Variants in EYS observed in about 807,000 individuals in gnomAD.
EYS encodes EGF-like photoreceptor maintenance factor.
In EYS, 250 loss-of-function variants were observed where a neutral mutation model predicts 282.1. That is an observed-to-expected ratio of 0.89 (90% CI 0.80 to 0.98). EYS has a LOEUF of 0.98. Ranked by LOEUF, EYS falls within the 50% of genes least tolerant of loss-of-function variation. The pLI, the probability that EYS is intolerant of heterozygous loss-of-function variation, is 0.00. For missense variants in EYS, 4,016 were observed against 3,709.0 expected (o/e 1.08, Z -2.15); for synonymous variants, 1,355 against 1,282.9 (o/e 1.06, Z -1.20).
intron 19 of EYS, among the ~76,000 whole-genome samples, chr6:64,858,425 T>G (rs1766133738): frequency 6.6e-6 from 1 of 152,080 alleles, no homozygotes; most frequent in Non-Finnish European, 1.5e-5. Flanking sequence ...GGCTTTTTTT[T>G]GGGTTTTCTA....
intron 22 of EYS, among the ~76,000 whole-genome samples, chr6:64,725,147 C>T (rs1418294659): frequency 6.6e-6 from 1 of 152,106 alleles, no homozygotes; most frequent in Non-Finnish European, 1.5e-5. Context: ...ATTTAAGATC[C>T]TCTCTAATAT....
chr6:65,054,604 T>C (rs552034874), intron 13 of EYS, among the ~76,000 whole-genome samples: 1 of 152,176 alleles, frequency 6.6e-6, no homozygotes, highest in South Asian at 2.1e-4. Context: ...TATAAGAATA[T>C]AAACTGAATT....
At chr6:64,458,249 G>A (rs1295274593) in intron 26 of EYS, among the ~76,000 whole-genome samples, 2 of 151,940 alleles carry the variant, frequency 1.3e-5, no homozygotes, top group African/African-American at 2.4e-5. Flanking sequence ...GAATTTGACT[G>A]TATACTTACT....
chr6:64,835,721 A>G (rs113178935), intron 19 of EYS, among the ~76,000 whole-genome samples: 3,470 of 151,726 alleles, frequency 0.023, 109 homozygotes, highest in African/African-American at 0.07. Context: ...CATAGAGTCA[A>G]TTATGAGAAT....
chr6:64,717,295 T>C lies in EYS; in HGVS notation c.3444-91050A>G, dbSNP rs936873586. ...TGCAAGCAATTGACGTATTATGGTC[T>C]CTGTTCAGTGAAACCTGTCTGCTAA... On this transcript the variant is annotated intron_variant, in intron 22 of 42. Transcript: ENST00000503581. 6.6e-4 allele frequency among the ~76,000 whole-genome samples: 100 copies of C among 152,202 alleles called. 1 individual carries two copies. Among genetic ancestry groups the C allele is most frequent in the African/African-American group, 2.3e-3 (97 of 41,448 alleles).
chr6:65,485,945 A>T (rs537983851), intron 5 of EYS, among the ~76,000 whole-genome samples: 4 of 152,242 alleles, frequency 2.6e-5, no homozygotes, highest in South Asian at 4.1e-4. Context: ...CAAAGGCAGG[A>T]CATCTGACAA....
rs535261878 is a variant in EYS at position 64,542,989 on chromosome 6, T to C, written c.5644+47234A>G. 1.2e-4 allele frequency among the ~76,000 whole-genome samples: 19 copies of C among 152,246 alleles called. No individual in the cohort carries two copies. The South Asian group carries it at 2.5e-3, about 20-fold the overall frequency. On this transcript the variant is annotated intron_variant, in intron 26 of 42. Transcript: ENST00000503581. Reference sequence around the variant, plus strand: ...ACAAGTGCCTCAATGTCCTAGGAAATTGATGTCTTAGTTCAAAAGGAAATG... The same window carrying C: ...ACAAGTGCCTCAATGTCCTAGGAAACTGATGTCTTAGTTCAAAAGGAAATG...
Position 64,213,832 on chromosome 6 carries a change from T to C in EYS, c.6424+16760A>G, listed in dbSNP as rs538705943. Among the ~76,000 whole-genome samples the C allele has an allele frequency of 3.0e-4, 45 of 152,292 alleles. No individual in the cohort carries two copies. In the East Asian group the frequency reaches 8.1e-3, roughly 27 times the overall value. The stretch of plus-strand genomic sequence containing the variant: ...GTTTAAAATGAAGGAAACATTGCTT[T>C]ACAATAGTGAACAATTCTATACACA... On this transcript the variant is annotated intron_variant, in intron 31 of 42. Transcript: ENST00000503581.
chr6:65,526,805 C>CAAAAAAAAAAAAAAAAA (rs1359760384), intron 2 of EYS, among the ~76,000 whole-genome samples: 1 of 151,666 alleles, frequency 6.6e-6, no homozygotes, highest in African/African-American at 2.4e-5. Context: ...GACTCTGTCT[C>CAAAAAAAAAAAAAAAAA]AAAAAACAAA....
intron 5 of EYS, among the ~76,000 whole-genome samples, chr6:65,451,423 A>C (rs1764393290): frequency 6.6e-6 from 1 of 152,102 alleles, no homozygotes; most frequent in African/African-American, 2.4e-5. Flanking sequence ...ACACTCTAGT[A>C]ACGACTCAGA....
intron 35 of EYS, among the ~76,000 whole-genome samples, chr6:63,879,431 C>G (rs532558261): frequency 8.5e-5 from 13 of 152,114 alleles, no homozygotes; most frequent in Non-Finnish European, 1.5e-4. Context: ...AACTTTGACT[C>G]AAATACCTTA....
At chr6:65,476,965 T>G (rs1188560287) in intron 5 of EYS, among the ~76,000 whole-genome samples, 1 of 152,200 alleles carries the variant, frequency 6.6e-6, no homozygotes, top group Admixed American at 6.5e-5. Context: ...AAATTTCGAA[T>G]TTTTATTCAT....
intron 10 of EYS, 67 bp downstream of exon 10, chr6:65,343,971 T>A (rs552206188): frequency 7.3e-7 from 1 of 1,363,086 alleles, no homozygotes; most frequent in Non-Finnish European, 1.0e-6. Context: ...CATTTCTAAC[T>A]TTCTAAAAAT....
chr6:64,334,094 A>T (rs2150392295), intron 29 of EYS, among the ~76,000 whole-genome samples: 1 of 152,332 alleles, frequency 6.6e-6, no homozygotes, highest in South Asian at 2.1e-4. Flanking sequence ...TATTTTGAAG[A>T]ATCCAAGAAC....
intron 26 of EYS, among the ~76,000 whole-genome samples, chr6:64,488,649 T>G (rs1484137059): frequency 6.6e-6 from 1 of 151,024 alleles, no homozygotes; most frequent in Non-Finnish European, 1.5e-5. Context: ...ATGTTTATAA[T>G]AAAAATAAAA....
At chr6:65,427,396 C>T (rs1319905083) in intron 5 of EYS, among the ~76,000 whole-genome samples, 1 of 145,990 alleles carries the variant, frequency 6.8e-6, no homozygotes, top group African/African-American at 2.4e-5. Context: ...TTTCAAAATA[C>T]AGATATGCAT....
chr6:64,838,033 G>C (rs2812786), intron 19 of EYS, among the ~76,000 whole-genome samples: 124,424 of 151,692 alleles, frequency 0.82, 51,045 homozygotes, highest in East Asian at 0.87. Context: ...ATTTTTGTGT[G>C]CTTTATATAT....
At chr6:64,012,430 T>C (rs1311704488) in intron 33 of EYS, among the ~76,000 whole-genome samples, 1 of 152,168 alleles carries the variant, frequency 6.6e-6, no homozygotes, top group African/African-American at 2.4e-5. Context: ...TATCAGCAGA[T>C]GGCAGTAAAG....
In EYS at chr6:63,937,908, A is replaced by T. The variant is rs551188695; in HGVS notation, c.7055+46475T>A. 3.9e-5 allele frequency among the ~76,000 whole-genome samples: 6 copies of T among 152,336 alleles called. No homozygotes were observed. The South Asian group carries it at 1.0e-3, about 26-fold the overall frequency. ...TTTTGTTACAGCAGTACAGACTAAG[A>T]CACCACTTTCTGAATTTAAACAAAT... On this transcript the variant is annotated intron_variant, in intron 35 of 42. Transcript: ENST00000503581.
Sources: gnomAD v4.1 joint callset for allele counts (sites outside exome capture counted in the v4.1 genomes callset) on GRCh38, gnomAD v4.1.1 for gene constraint, MANE v1.5 for transcripts, NCBI Gene and HGNC (gene_info 2026-07-23, HGNC 2026-07-21) for gene names.